SLK: variants seen among roughly 807,000 people sequenced by gnomAD.
SLK encodes STE20 like kinase, also known as STE20-like serine/threonine-protein kinase.
A neutral mutation model predicts 147.7 loss-of-function variants in SLK; 67 were observed. The observed-to-expected ratio is 0.45, with a 90% CI of 0.37 to 0.56. The LOEUF (loss-of-function observed/expected upper bound fraction) is 0.56, where lower values mean the gene tolerates loss of function less well. Ranked by LOEUF, SLK falls within the 20% of genes least tolerant of loss-of-function variation. The pLI, the probability that SLK is intolerant of heterozygous loss-of-function variation, is 0.00. For synonymous variants in SLK, 441 were observed against 475.0 expected (o/e 0.93, Z 0.93); for missense variants, 1,136 against 1,438.8 (o/e 0.79, Z 3.41).
intron 9 of SLK, among the ~76,000 whole-genome samples, chr10:104,004,553 T>G (rs935229572): frequency 2.0e-5 from 3 of 152,122 alleles, no homozygotes; most frequent in African/African-American, 7.2e-5. Flanking sequence ...GGTACCATAG[T>G]CCTGGACTTT....
chr10:103,988,685 A>G (rs1295997978), intron 1 of SLK, among the ~76,000 whole-genome samples: 1 of 152,194 alleles, frequency 6.6e-6, no homozygotes, highest in African/African-American at 2.4e-5. Flanking sequence ...TAGAGGTAAT[A>G]ATATATCATG....
At chr10:103,995,423 C>CTTTTTTTTTTTTTTT (rs756975426) in intron 4 of SLK, among the ~76,000 whole-genome samples, 40 of 67,690 alleles carry the variant, frequency 5.9e-4, no homozygotes, top group East Asian at 9.6e-4. Flanking sequence ...TCTTTCTTTT[C>CTTTTTTTTTTTTTTT]TTTTTTTTTT....
chr10:103,984,569 A>G (rs912939644), intron 1 of SLK, among the ~76,000 whole-genome samples: 8 of 152,080 alleles, frequency 5.3e-5, no homozygotes, highest in African/African-American at 1.9e-4. Flanking sequence ...GTGCACCACC[A>G]CACCGTGCTA....
chr10:103,998,710 G>A (rs1032335541), intron 4 of SLK, among the ~76,000 whole-genome samples, 189 bp from the exon 5 acceptor site: 3 of 152,024 alleles, frequency 2.0e-5, no homozygotes, highest in Non-Finnish European at 4.4e-5. Flanking sequence ...TCTTTAGCAG[G>A]TTTTTTTGGG....
chr10:103,977,134 C>T (rs1392662058), intron 1 of SLK, among the ~76,000 whole-genome samples: 1 of 152,056 alleles, frequency 6.6e-6, no homozygotes, highest in African/African-American at 2.4e-5. Context: ...TTTATATTTT[C>T]CTTAATGATT....
chr10:103,982,530 C>G (rs1843959897), intron 1 of SLK, among the ~76,000 whole-genome samples: 1 of 152,104 alleles, frequency 6.6e-6, no homozygotes, highest in Non-Finnish European at 1.5e-5. Flanking sequence ...ATTTCTTTCT[C>G]TTTTGCAGAT....
intron 11 of SLK, among the ~76,000 whole-genome samples, 183 bp from the exon 12 acceptor site, chr10:104,007,991 AAAG>A (rs1462615507): frequency 1.3e-5 from 2 of 152,122 alleles, no homozygotes; most frequent in Non-Finnish European, 2.9e-5. Context: ...TGTTAGAAAA[AAAG>A]AACTCATTTT....
chr10:103,985,121 A>T (rs1843995896), intron 1 of SLK, among the ~76,000 whole-genome samples: 1 of 152,110 alleles, frequency 6.6e-6, no homozygotes, highest in Admixed American at 6.5e-5. Context: ...GTTCTATTTT[A>T]TTATTATTGT....
rs1429700551 is a variant in SLK at position 104,003,419 on chromosome 10, T to A, written c.2241T>A (p.Asp747Glu). ...PPESENPKEN[D>E]NDSGTGSTAD... ...AATCTGAGAATCCAAAGGAAAATGA[T>A]AATGATTCAGGCACTGGTTCCACTG... is the stretch of plus-strand genomic sequence containing the variant. The change falls in exon 9 of 19, where the codon GAT (aspartate) becomes GAA (glutamate). Residue 747 changes from aspartate to glutamate, a missense_variant. By Grantham distance (45) the Asp-to-Glu change is conservative (BLOSUM62 2). This residue lies in a region of SLK where 516 missense variants were observed against 531.3 expected (regional missense o/e 0.97). Coordinates refer to ENST00000369755, the MANE Select transcript of SLK (RefSeq NM_014720.4). 1 of 1,613,906 alleles carries A rather than the reference T, an allele frequency of 6.2e-7. No homozygotes were observed. Among genetic ancestry groups the A allele is most frequent in the Non-Finnish European group, 8.5e-7 (1 of 1,179,918 alleles).
rs11191896 is a variant in SLK, at chr10:104,007,432, C to T, written c.2605-745C>T. On this transcript the variant is annotated intron_variant, in intron 11 of 18. Transcript: ENST00000369755. ...ACCAACCTGGCAAACATGGTAAAACCCCGTCTCTACTAAAAATACAGAAAA... is the reference window on the plus strand; with the variant it reads ...ACCAACCTGGCAAACATGGTAAAACTCCGTCTCTACTAAAAATACAGAAAA... Among the ~76,000 whole-genome samples, 398 of 151,930 alleles carry T rather than the reference C, an allele frequency of 2.6e-3. 1 individual carries two copies. The highest frequency in any genetic ancestry group is 4.4e-3 in the Non-Finnish European group (297 of 67,950).
chr10:103,981,665 C>T (rs1158449724), intron 1 of SLK, among the ~76,000 whole-genome samples: 1 of 141,142 alleles, frequency 7.1e-6, no homozygotes, highest in Non-Finnish European at 1.5e-5. Context: ...ATATATATGC[C>T]AGTTTTTTTT....
At position 104,025,689 on chromosome 10, in the gene SLK, C is replaced by G; in HGVS notation, c.3677C>G (p.Pro1226Arg). 2 of 1,614,074 alleles carry G rather than the reference C, an allele frequency of 1.2e-6. No individual in the cohort carries two copies. The highest frequency in any genetic ancestry group is 1.7e-6 in the Non-Finnish European group (2 of 1,179,980). Residue 1226 changes from proline to arginine, a missense_variant, in exon 19 of 19, where the codon CCT becomes CGT. Physicochemically the swap from Pro to Arg is moderately radical, Grantham distance 103. Coordinates refer to ENST00000369755, the MANE Select transcript of SLK (RefSeq NM_014720.4). ...CAGAGCCGGATTTCCAAATTTTATC[C>G]TATTCCCAGCTTGCATTCCACCGGA... ...STQSRISKFYPIPSLHSTGS is the reference protein window; with the variant it reads ...STQSRISKFYRIPSLHSTGS
chr10:104,023,133 TC>T (rs1359928319), intron 18 of SLK, among the ~76,000 whole-genome samples: 1 of 152,240 alleles, frequency 6.6e-6, no homozygotes, highest in African/African-American at 2.4e-5. Context: ...CTAACTGTTC[TC>T]CTTAAAAGTC....
chr10:103,972,351 A>G (rs1843803760), intron 1 of SLK, among the ~76,000 whole-genome samples: 1 of 152,204 alleles, frequency 6.6e-6, no homozygotes. Context: ...TAATTATACA[A>G]GTTTACATTC....
At chr10:103,994,432 G>A (rs74368791) in intron 4 of SLK, among the ~76,000 whole-genome samples, 3,068 of 152,182 alleles carry the variant, frequency 0.02, 68 homozygotes, top group South Asian at 0.11. Flanking sequence ...CTAGATGTTA[G>A]GGTTTAAACT....
At position 103,986,878 on chromosome 10, in the gene SLK, A is replaced by G. The variant is rs147121773; in HGVS notation, c.151-3797A>G. Among the ~76,000 whole-genome samples the G allele has an allele frequency of 6.4e-4, 97 of 152,076 alleles. No homozygotes were observed. In the East Asian group the frequency reaches 0.012, roughly 19 times the overall value. Reference sequence around the variant, plus strand: ...TTTTTAGTAGGAATGGGGTTTCACCATGTTGGCCAGGCTGGTCTTGAACTC... The same window carrying G: ...TTTTTAGTAGGAATGGGGTTTCACCGTGTTGGCCAGGCTGGTCTTGAACTC... On this transcript the variant is annotated intron_variant, in intron 1 of 18. Transcript: ENST00000369755.
chr10:103,997,243 C>T (rs908982719), intron 4 of SLK, among the ~76,000 whole-genome samples: 2 of 152,292 alleles, frequency 1.3e-5, no homozygotes, highest in South Asian at 2.1e-4. Flanking sequence ...CACGTTGTAG[C>T]GTATTTCAAG....
chr10:104,023,134 C>T (rs1027978028), intron 18 of SLK, among the ~76,000 whole-genome samples: 1 of 152,160 alleles, frequency 6.6e-6, no homozygotes, highest in Admixed American at 6.5e-5. Context: ...TAACTGTTCT[C>T]CTTAAAAGTC....
Position 104,003,527 on chromosome 10 carries a change from A to G in SLK, c.2349A>G (p.Gln783=). 6.4e-7 allele frequency: 1 copy of G among 1,560,096 alleles called. No homozygotes were observed. The highest frequency in any genetic ancestry group is 1.2e-5 in the South Asian group (1 of 82,210). Reference sequence around the variant, plus strand: ...AAGACAGTGGATCGATATCTTTACAAGTAAGTGTACATGAGTCATTGTTTG... The same window carrying G: ...AAGACAGTGGATCGATATCTTTACAGGTAAGTGTACATGAGTCATTGTTTG... ...KTKDSGSISL[Q]ETRRQKKTLK... is the part of the protein sequence containing the mutation. Residue 783 remains glutamine, a splice_region_variant and synonymous_variant, in exon 9 of 19, where the codon CAA becomes CAG. Transcript: ENST00000369755.
Sources: allele counts gnomAD v4.1 joint callset (sites outside exome capture counted in the v4.1 genomes callset), GRCh38; gene constraint gnomAD v4.1.1; regional missense constraint gnomAD v4.1.1; transcripts MANE v1.5; gene names NCBI Gene and HGNC (gene_info 2026-07-23, HGNC 2026-07-21).